The following PTPRK variants were observed in gnomAD, a reference collection of about 807,000 sequenced individuals.
PTPRK encodes receptor-type tyrosine-protein phosphatase kappa.
Under a neutral mutation model 178.0 loss-of-function variants are expected in PTPRK, and 75 were observed. The observed-to-expected ratio is 0.42, with a 90% CI of 0.35 to 0.51. The LOEUF (loss-of-function observed/expected upper bound fraction) is 0.51. Ranked by LOEUF, PTPRK falls within the 20% of genes least tolerant of loss-of-function variation. The probability of loss-of-function intolerance (pLI) is 0.02; values close to 1 mark genes in which losing one functional copy is unlikely to be tolerated. For missense variants in PTPRK, 1,441 were observed against 1,797.8 expected, an observed-to-expected ratio of 0.80 and a Z score of 3.59; for synonymous variants, 637 against 620.6, an observed-to-expected ratio of 1.03 and a Z score of -0.39.
intron 6 of PTPRK, among the ~76,000 whole-genome samples, chr6:128,215,963 T>C (rs904295380): frequency 3.3e-5 from 5 of 152,180 alleles, no homozygotes; most frequent in African/African-American, 1.2e-4. Context: ...GAGTATGTTT[T>C]TGGTTAGTAA....
intron 7 of PTPRK, among the ~76,000 whole-genome samples, chr6:128,094,711 T>C (rs1306944415): frequency 2.0e-5 from 3 of 152,176 alleles, no homozygotes; most frequent in Non-Finnish European, 4.4e-5. Flanking sequence ...ATTTCTGTGT[T>C]TTAGATAACT....
intron 2 of PTPRK, among the ~76,000 whole-genome samples, chr6:128,337,832 G>A (rs1831150363): frequency 6.6e-6 from 1 of 152,170 alleles, no homozygotes; most frequent in African/African-American, 2.4e-5. Context: ...CTGAAAAAGT[G>A]ATGTCTGAGC....
rs1318561065 is a variant in PTPRK at position 127,972,477 on chromosome 6, G to C, written c.4269+545C>G. 5.3e-5 allele frequency among the ~76,000 whole-genome samples: 8 copies of C among 152,172 alleles called. No individual in the cohort carries two copies. The East Asian group carries it at 1.5e-3, about 29-fold the overall frequency. The stretch of plus-strand genomic sequence containing the variant: ...TATCAGCTCTTATTTTGTAAGCTAT[G>C]TTCTGACTTTACGAGCCTTGACAAG... On this transcript the variant is annotated intron_variant, in intron 29 of 29. Coordinates refer to ENST00000368226, the MANE Select transcript of PTPRK (RefSeq NM_002844.4).
intron 5 of PTPRK, among the ~76,000 whole-genome samples, chr6:128,223,268 C>G (rs1358047104): frequency 6.6e-6 from 1 of 151,780 alleles, no homozygotes; most frequent in Non-Finnish European, 1.5e-5. Context: ...ACAAGAGTCA[C>G]ATAAATCCTC....
chr6:128,008,850 G>T (rs1778732145), intron 14 of PTPRK, among the ~76,000 whole-genome samples: 2 of 150,950 alleles, frequency 1.3e-5, no homozygotes, highest in South Asian at 4.2e-4. Context: ...TAAGATAAAT[G>T]ATCTCAAGTA....
rs548316736 is a variant in PTPRK, at chr6:128,302,614, T to TCTTTAAAGGAATTTAAATTTAAA, written c.495+19424_495+19425insTTTAAATTTAAATTCCTTTAAAG. The stretch of plus-strand genomic sequence containing the variant: ...TACCTGTTCCTTTCTTGAAACATTC[T>TCTTTAAAGGAATTTAAATTTAAA]CTTCCTTTAAATTTCCTGTTACTCA... On this transcript the variant is annotated intron_variant, in intron 3 of 29. Transcript: ENST00000368226. 5.5e-3 allele frequency among the ~76,000 whole-genome samples: 839 copies of TCTTTAAAGGAATTTAAATTTAAA among 152,260 alleles called. 4 individuals carry two copies. Among genetic ancestry groups the TCTTTAAAGGAATTTAAATTTAAA allele is most frequent in the South Asian group, 0.024 (118 of 4,824 alleles).
chr6:128,208,363 G>A (rs1168863977), intron 6 of PTPRK, among the ~76,000 whole-genome samples: 2 of 151,450 alleles, frequency 1.3e-5, no homozygotes, highest in African/African-American at 4.9e-5. Flanking sequence ...AAAAGGTCCA[G>A]GAGCATTATT....
At chr6:128,229,466 C>T (rs1280147945) in intron 5 of PTPRK, among the ~76,000 whole-genome samples, 1 of 152,090 alleles carries the variant, frequency 6.6e-6, no homozygotes, top group Non-Finnish European at 1.5e-5. Flanking sequence ...TAGCTCTATT[C>T]ACTGAAACGA....
chr6:128,149,787 C>T (rs891282184), intron 7 of PTPRK, among the ~76,000 whole-genome samples: 12 of 152,166 alleles, frequency 7.9e-5, no homozygotes, highest in Non-Finnish European at 1.5e-4. Flanking sequence ...CATCACTCCT[C>T]TCTTCCTCCT....
intron 13 of PTPRK, among the ~76,000 whole-genome samples, chr6:128,039,062 A>T (rs1776719196): frequency 6.6e-6 from 1 of 152,178 alleles, no homozygotes; most frequent in Admixed American, 6.5e-5. Context: ...GGCTGTAATT[A>T]TTTAAAATGT....
rs1441093715 is a variant in PTPRK, at chr6:128,194,094, TTATTATTA to T, written c.869-9377_869-9370del. ...ATTATTATTATTATTATTATTATTATTATTATTAGGAAACGGAGTCTTGCTCTGTTGCC... is the reference window on the plus strand; with the variant it reads ...ATTATTATTATTATTATTATTATTATGGAAACGGAGTCTTGCTCTGTTGCC... On this transcript the variant is annotated intron_variant, in intron 6 of 29. Coordinates refer to ENST00000368226, the MANE Select transcript of PTPRK (RefSeq NM_002844.4). 3.1e-3 allele frequency among the ~76,000 whole-genome samples: 460 copies of T among 147,000 alleles called. 5 individuals carry two copies. The highest frequency in any genetic ancestry group is 0.011 in the African/African-American group (437 of 40,450).
chr6:128,445,876 A>C (rs544626313), intron 1 of PTPRK, among the ~76,000 whole-genome samples: 4 of 152,248 alleles, frequency 2.6e-5, no homozygotes, highest in Admixed American at 2.6e-4. Flanking sequence ...TTTGTTTTTG[A>C]AACTGAGCAA....
In PTPRK at chr6:128,168,570, C is replaced by T. The variant is rs1391047452; in HGVS notation, c.1162+15862G>A. Among the ~76,000 whole-genome samples, 4 of 152,048 alleles carry T rather than the reference C, an allele frequency of 2.6e-5. No homozygotes were observed. The East Asian group carries it at 7.8e-4, about 30-fold the overall frequency. On this transcript the variant is annotated intron_variant, in intron 7 of 29. Transcript: ENST00000368226. ...ATCACCACCCGAGCACCACCTCCTG[C>T]CATATAAGTGGCGGCATTAGATTCT...
intron 1 of PTPRK, among the ~76,000 whole-genome samples, chr6:128,503,448 T>A (rs1855854312): frequency 6.6e-6 from 1 of 152,200 alleles, no homozygotes; most frequent in Non-Finnish European, 1.5e-5. Context: ...CCACTCTTAA[T>A]TATATCTTAC....
intron 2 of PTPRK, among the ~76,000 whole-genome samples, chr6:128,358,138 G>A (rs1834201324): frequency 6.6e-6 from 1 of 152,166 alleles, no homozygotes; most frequent in African/African-American, 2.4e-5. Flanking sequence ...ATAAGTTAGA[G>A]TGGTCAGAAC....
intron 1 of PTPRK, among the ~76,000 whole-genome samples, chr6:128,405,787 G>T (rs1249247329): frequency 2.0e-5 from 3 of 151,962 alleles, no homozygotes; most frequent in Non-Finnish European, 4.4e-5. Flanking sequence ...ACGTAAAACA[G>T]AATTCCGTGA....
At chr6:128,517,322 G>A (rs1251136881) in intron 1 of PTPRK, among the ~76,000 whole-genome samples, 1 of 152,114 alleles carries the variant, frequency 6.6e-6, no homozygotes, top group Non-Finnish European at 1.5e-5. Flanking sequence ...ATTTTACAGA[G>A]GAGAAAGCTG....
intron 17 of PTPRK, among the ~76,000 whole-genome samples, chr6:127,996,517 G>T (rs146466192): frequency 1.3e-5 from 2 of 152,264 alleles, no homozygotes; most frequent in Non-Finnish European, 2.9e-5. Flanking sequence ...TGTCGCCCAG[G>T]CTGGAGTGCA....
chr6:128,315,508 T>C (rs1456753841), intron 3 of PTPRK, among the ~76,000 whole-genome samples: 11 of 152,140 alleles, frequency 7.2e-5, no homozygotes, highest in African/African-American at 2.4e-4. Context: ...GCTAGTTTTA[T>C]AATGATAGTT....
Sources: allele counts gnomAD v4.1 joint callset (sites outside exome capture counted in the v4.1 genomes callset), GRCh38; gene constraint gnomAD v4.1.1; transcripts MANE v1.5; gene names NCBI Gene and HGNC (gene_info 2026-07-23, HGNC 2026-07-21).